Variants in HDAC8 observed in about 807,000 individuals in gnomAD.
The protein encoded by HDAC8 is histone deacetylase-like 1.
A neutral mutation model predicts 32.2 loss-of-function variants in HDAC8; 1 was observed. That is an observed-to-expected ratio of 0.03 (90% CI 0.01 to 0.15). The LOEUF (loss-of-function observed/expected upper bound fraction) is 0.15. Ranked by LOEUF, HDAC8 falls within the 10% of genes least tolerant of loss-of-function variation. HDAC8 has a pLI of 1.00. For synonymous variants in HDAC8, 108 were observed against 113.9 expected (o/e 0.95, Z 0.33); for missense variants, 117 against 300.0 (o/e 0.39, Z 4.51).
intron 4 of HDAC8, among the ~76,000 whole-genome samples, chrX:72,540,355 TTA>T (rs1342727789): frequency 8.9e-6 from 1 of 112,340 alleles, no homozygotes; most frequent in African/African-American, 3.2e-5. Context: ...TGAAGACCTA[TTA>T]TGAGTCAGAT....
chrX:72,505,037 C>T (rs782699059), intron 4 of HDAC8, among the ~76,000 whole-genome samples: 2 of 109,781 alleles, frequency 1.8e-5, no homozygotes, highest in South Asian at 4.0e-4. Context: ...AAGTCCTTTG[C>T]CCATTTTTAA....
intron 7 of HDAC8, among the ~76,000 whole-genome samples, chrX:72,476,472 C>T (rs1167390673): frequency 2.7e-5 from 3 of 111,473 alleles, no homozygotes; most frequent in Non-Finnish European, 3.8e-5. Flanking sequence ...CAGGACTGCT[C>T]ATAGTGTAGA....
intron 9 of HDAC8, among the ~76,000 whole-genome samples, chrX:72,438,561 C>T (rs182648762): frequency 9.0e-6 from 1 of 111,216 alleles, no homozygotes; most frequent in Non-Finnish European, 1.9e-5. Context: ...AGCTAAGAAC[C>T]CTGAAAACAG....
intron 4 of HDAC8, among the ~76,000 whole-genome samples, chrX:72,553,983 G>GT (rs1216292866): frequency 9.0e-6 from 1 of 111,281 alleles, no homozygotes; most frequent in East Asian, 2.8e-4. Context: ...GTCTATTTGT[G>GT]TTTTTTGTTC....
chrX:72,457,991 C>T, intron 9 of HDAC8, among the ~76,000 whole-genome samples: 1 of 111,368 alleles, frequency 9.0e-6, no homozygotes, highest in Non-Finnish European at 1.9e-5. Flanking sequence ...TACACATATA[C>T]ATACACACAC....
intron 4 of HDAC8, among the ~76,000 whole-genome samples, chrX:72,536,398 T>C (rs1337459776): frequency 8.9e-6 from 1 of 112,190 alleles, no homozygotes; most frequent in Non-Finnish European, 1.9e-5. Flanking sequence ...TAATCTTACC[T>C]GTCTCCTTCA....
intron 9 of HDAC8, among the ~76,000 whole-genome samples, chrX:72,448,187 C>T (rs1429184261): frequency 8.9e-6 from 1 of 111,887 alleles, no homozygotes; most frequent in Non-Finnish European, 1.9e-5. Flanking sequence ...TCAAACAATA[C>T]TACAAGGCTA....
intron 10 of HDAC8, among the ~76,000 whole-genome samples, chrX:72,340,262 G>A (rs1192743802): frequency 3.6e-5 from 4 of 111,703 alleles, no homozygotes; most frequent in Non-Finnish European, 5.6e-5. Context: ...GTGGAGCTGG[G>A]CCCCGGCAGT....
At chrX:72,358,046 A>C (rs1288123290) in intron 9 of HDAC8, among the ~76,000 whole-genome samples, 2 of 109,774 alleles carry the variant, frequency 1.8e-5, no homozygotes, top group East Asian at 5.7e-4. Flanking sequence ...CTGGGATTAT[A>C]GGCGCGCACC....
chrX:72,335,927 T>A (rs1186645845), intron 10 of HDAC8, among the ~76,000 whole-genome samples: 50 of 101,038 alleles, frequency 4.9e-4, no homozygotes, highest in Non-Finnish European at 8.7e-4. Flanking sequence ...AAAAAAAAAA[T>A]TAACAACAAC....
At chrX:72,415,841 T>C (rs781991046) in intron 9 of HDAC8, among the ~76,000 whole-genome samples, 2 of 111,991 alleles carry the variant, frequency 1.8e-5, no homozygotes, top group South Asian at 7.5e-4. Context: ...AGAAGGTTTT[T>C]GTTACATTCC....
At chrX:72,543,975 C>T (rs1395796502) in intron 4 of HDAC8, among the ~76,000 whole-genome samples, 1 of 112,633 alleles carries the variant, frequency 8.9e-6, no homozygotes, top group Non-Finnish European at 1.9e-5. Flanking sequence ...ACGTTCTACA[C>T]GTGCATCTGC....
intron 4 of HDAC8, among the ~76,000 whole-genome samples, chrX:72,539,938 G>A (rs1419862990): frequency 8.9e-6 from 1 of 112,304 alleles, no homozygotes; most frequent in East Asian, 2.8e-4. Context: ...TACAAAAGCA[G>A]AGCTAATGAT....
At chrX:72,482,000 A>C (rs1486864379) in intron 7 of HDAC8, among the ~76,000 whole-genome samples, 1 of 111,391 alleles carries the variant, frequency 9.0e-6, no homozygotes, top group Non-Finnish European at 1.9e-5. Flanking sequence ...AAAACCTATC[A>C]TAATTAAAAC....
chrX:72,490,907 T>C, intron 6 of HDAC8, 22 bp downstream of exon 6: 1 of 1,105,000 alleles, frequency 9.0e-7, no homozygotes, highest in Non-Finnish European at 1.3e-6. Context: ...TCAAATGTAA[T>C]ACTGAGTTTA....
intron 9 of HDAC8, among the ~76,000 whole-genome samples, chrX:72,409,430 T>A (rs2147894299): frequency 8.9e-6 from 1 of 112,031 alleles, no homozygotes; most frequent in Admixed American, 9.4e-5. Flanking sequence ...GGCTCCCTAC[T>A]GCTTATAGAA....
At chrX:72,535,888 G>A (rs782373753) in intron 4 of HDAC8, among the ~76,000 whole-genome samples, 11 of 111,830 alleles carry the variant, frequency 9.8e-5, no homozygotes, top group Non-Finnish European at 1.9e-4. Flanking sequence ...GAGCACACCC[G>A]TACTTGATCT....
intron 5 of HDAC8, among the ~76,000 whole-genome samples, chrX:72,491,836 T>C (rs1194840955): frequency 8.9e-6 from 1 of 111,923 alleles, no homozygotes; most frequent in Non-Finnish European, 1.9e-5. Flanking sequence ...AGTCACACTA[T>C]GTTCAGATAA....
intron 9 of HDAC8, among the ~76,000 whole-genome samples, chrX:72,368,837 A>G (rs911570219): frequency 2.7e-5 from 3 of 112,706 alleles, no homozygotes; most frequent in Middle Eastern, 9.2e-3. Flanking sequence ...ATAAATGAGC[A>G]TTTGAGCAAA....
Sources: gnomAD v4.1 joint callset for allele counts (sites outside exome capture counted in the v4.1 genomes callset) on GRCh38, gnomAD v4.1.1 for gene constraint, MANE v1.5 for transcripts, NCBI Gene and HGNC (gene_info 2026-07-23, HGNC 2026-07-21) for gene names.